The following DGKG variants were observed in gnomAD, a reference collection of about 807,000 sequenced individuals.
DGKG encodes diacylglycerol kinase gamma, also known as DAG kinase gamma.
A neutral mutation model predicts 105.3 loss-of-function variants in DGKG; 78 were observed. The observed-to-expected ratio is 0.74, with a 90% CI of 0.62 to 0.89. The LOEUF is 0.89. Among genes scored for constraint, DGKG ranks in the 40% least tolerant of loss-of-function variants. The probability of loss-of-function intolerance (pLI) is 0.00; values close to 1 mark genes in which losing one functional copy is unlikely to be tolerated. For missense variants in DGKG, 958 were observed against 1,020.1 expected, an observed-to-expected ratio of 0.94 and a Z score of 0.83; for synonymous variants, 346 against 367.1, an observed-to-expected ratio of 0.94 and a Z score of 0.66.
In DGKG at chr3:186,183,514, C is replaced by T. The variant is rs138332413; in HGVS notation, c.2095+4688G>A. ...GCTAAGAACCTTTCTTGGGGGGGGG[C>T]GGGGTAACTACTTGAGGCCAGGCAC... On this transcript the variant is annotated intron_variant, in intron 22 of 24. Transcript: ENST00000265022. Among the ~76,000 whole-genome samples, 209 of 143,448 alleles carry T rather than the reference C, an allele frequency of 1.5e-3. 1 individual carries two copies. The highest frequency in any genetic ancestry group is 5.0e-3 in the African/African-American group (194 of 38,466). The allele number at this position is 143,448 out of a possible 152,430, so 94.1% of individuals were successfully genotyped here.
chr3:186,297,702 T>G (rs371597615), intron 4 of DGKG, among the ~76,000 whole-genome samples: 7 of 152,142 alleles, frequency 4.6e-5, no homozygotes, highest in African/African-American at 1.4e-4. Flanking sequence ...CCCTCTCCTC[T>G]AACACTTCCA....
intron 23 of DGKG, among the ~76,000 whole-genome samples, chr3:186,163,127 T>G (rs546355492): frequency 3.3e-5 from 5 of 152,208 alleles, no homozygotes; most frequent in Admixed American, 1.3e-4. Flanking sequence ...TACCTCAACC[T>G]CCTGAGTAGC....
rs150990017 is a variant in DGKG at position 186,309,890 on chromosome 3, T to C, written c.68-2913A>G. On this transcript the variant is annotated intron_variant, in intron 2 of 24. Coordinates refer to ENST00000265022, the MANE Select transcript of DGKG (RefSeq NM_001346.3). The stretch of plus-strand genomic sequence containing the variant: ...CACATAAATTCATCATATGTTCGCA[T>C]AAAATAAACTGAGGTTTTAATAAGA... Among the ~76,000 whole-genome samples, 1,297 of 151,940 alleles carry C rather than the reference T, an allele frequency of 8.5e-3. 18 individuals are homozygous for C. The highest frequency in any genetic ancestry group is 0.03 in the African/African-American group (1,230 of 41,412).
At chr3:186,300,248 A>G (rs1280041281) in intron 3 of DGKG, among the ~76,000 whole-genome samples, 2 of 152,142 alleles carry the variant, frequency 1.3e-5, no homozygotes, top group Non-Finnish European at 2.9e-5. Context: ...TTAAATGTCC[A>G]CTATTCCAAA....
At chr3:186,216,009 T>TG (rs938497056) in intron 20 of DGKG, among the ~76,000 whole-genome samples, 2 of 151,332 alleles carry the variant, frequency 1.3e-5, no homozygotes, top group Non-Finnish European at 3.0e-5. Context: ...CCCCATTATT[T>TG]GGGGGGTGGG....
chr3:186,236,273 G>C (rs1720416005), intron 20 of DGKG, among the ~76,000 whole-genome samples: 1 of 152,180 alleles, frequency 6.6e-6, no homozygotes, highest in Admixed American at 6.5e-5. Context: ...ATGGAGCATT[G>C]ATTCTGTGAT....
chr3:186,294,869 G>A (rs891855875), intron 5 of DGKG, among the ~76,000 whole-genome samples: 2 of 152,298 alleles, frequency 1.3e-5, no homozygotes, highest in African/African-American at 4.8e-5. Context: ...GCAATTTTGT[G>A]GAGTCTTGGC....
chr3:186,180,316 A>G (rs1463851772), intron 22 of DGKG, among the ~76,000 whole-genome samples: 1 of 152,100 alleles, frequency 6.6e-6, no homozygotes. Context: ...TTGAAGGACT[A>G]AATGACAAAG....
intron 1 of DGKG, among the ~76,000 whole-genome samples, chr3:186,352,325 C>CT (rs1726672745): frequency 6.6e-6 from 1 of 152,126 alleles, no homozygotes; most frequent in Admixed American, 6.5e-5. Flanking sequence ...GTTTCTTTCC[C>CT]TTATTAGATA....
Position 186,306,757 on chromosome 3 carries a change from A to G in DGKG, c.144+144T>C, listed in dbSNP as rs2108625241. The stretch of plus-strand genomic sequence containing the variant: ...TGGGAAACATATAATGCCAGGTAGC[A>G]CAAATGGCTCACTTGAGACTTAAGA... On this transcript the variant is annotated intron_variant, in intron 3 of 24. Coordinates refer to ENST00000265022, the MANE Select transcript of DGKG (RefSeq NM_001346.3). 1.4e-5 allele frequency: 9 copies of G among 626,726 alleles called. No homozygotes were observed. In the East Asian group the frequency reaches 2.5e-4, roughly 17 times the overall value. The allele number at this position is 626,726 out of a possible 1,614,324, so 38.8% of individuals were successfully genotyped here.
Position 186,265,284 on chromosome 3 carries a change from T to G in DGKG, c.1232A>C (p.Asp411Ala). The G allele has an allele frequency of 6.2e-7, 1 of 1,614,210 alleles. No homozygotes were observed. Among genetic ancestry groups the G allele is most frequent in the Non-Finnish European group, 8.5e-7 (1 of 1,180,036 alleles). ...ITRDRPGEKS[D>A]GCVSAKGELV... Reference sequence around the variant, plus strand: ...TTCGCCCTTGGCGGACACGCAGCCATCAGACTTCTCACCTGGCCTGTCCTG... The same window carrying G: ...TTCGCCCTTGGCGGACACGCAGCCAGCAGACTTCTCACCTGGCCTGTCCTG... The change falls in exon 14 of 25, where the codon GAT becomes GCT. Residue 411 changes from aspartate (D) to alanine (A), a missense_variant. Asp to Ala is a moderately radical substitution (Grantham distance 126). Coordinates refer to ENST00000265022, the MANE Select transcript of DGKG (RefSeq NM_001346.3).
intron 2 of DGKG, among the ~76,000 whole-genome samples, chr3:186,319,528 T>C (rs1560152694): frequency 6.6e-6 from 1 of 152,112 alleles, no homozygotes; most frequent in Non-Finnish European, 1.5e-5. Context: ...ACACAGTTAA[T>C]GTGAAGGGAG....
intron 9 of DGKG, among the ~76,000 whole-genome samples, chr3:186,276,623 A>G (rs9814115): frequency 0.12 from 18,098 of 152,228 alleles, 1,538 homozygotes; most frequent in African/African-American, 0.24. Context: ...TCAGAAGTGA[A>G]ATCATCTGCA....
At chr3:186,313,974 C>G (rs566932077) in intron 2 of DGKG, among the ~76,000 whole-genome samples, 1 of 152,154 alleles carries the variant, frequency 6.6e-6, no homozygotes, top group South Asian at 2.1e-4. Flanking sequence ...TTCTATGGTT[C>G]TACATATCAG....
intron 1 of DGKG, among the ~76,000 whole-genome samples, chr3:186,346,321 TA>T (rs1219833676): frequency 6.6e-6 from 1 of 152,240 alleles, no homozygotes; most frequent in African/African-American, 2.4e-5. Flanking sequence ...GCTTTATTCT[TA>T]TTGTCTTTTG....
At chr3:186,348,364 G>A (rs1726445052) in intron 1 of DGKG, among the ~76,000 whole-genome samples, 2 of 123,880 alleles carry the variant, frequency 1.6e-5, no homozygotes. Flanking sequence ...TACTTGCTGG[G>A]TGCTTTTTTT....
intron 19 of DGKG, among the ~76,000 whole-genome samples, chr3:186,243,324 A>T (rs971736587): frequency 7.9e-5 from 12 of 151,986 alleles, no homozygotes; most frequent in African/African-American, 2.9e-4. Context: ...CTATTAGCAC[A>T]TCCCTTTGCC....
chr3:186,191,549 T>C (rs1717908533), intron 21 of DGKG, among the ~76,000 whole-genome samples: 1 of 152,234 alleles, frequency 6.6e-6, no homozygotes, highest in Non-Finnish European at 1.5e-5. Flanking sequence ...TGGGTTCTAG[T>C]ATCCACCTTT....
chr3:186,260,292 A>T (rs1281017160), intron 16 of DGKG, 147 bp downstream of exon 16: 20 of 653,250 alleles, frequency 3.1e-5, no homozygotes, highest in Middle Eastern at 2.6e-4. Flanking sequence ...TCAGAGTCAG[A>T]CGTGAGAAAA....
Sources: allele counts gnomAD v4.1 joint callset (sites outside exome capture counted in the v4.1 genomes callset), GRCh38; gene constraint gnomAD v4.1.1; transcripts MANE v1.5; gene names NCBI Gene and HGNC (gene_info 2026-07-23, HGNC 2026-07-21).